NSUN3: variants seen among roughly 807,000 people sequenced by gnomAD.
The protein encoded by NSUN3 is tRNA (cytosine(34)-C(5))-methyltransferase, mitochondrial.
In NSUN3, 24 loss-of-function variants were observed where a neutral mutation model predicts 36.8. The observed-to-expected ratio is 0.65, with a 90% CI of 0.47 to 0.92. NSUN3 has a LOEUF of 0.92. Among genes scored for constraint, NSUN3 ranks in the 40% least tolerant of loss-of-function variants. The pLI is 0.00. For missense variants in NSUN3, 381 were observed against 392.8 expected (o/e 0.97, Z 0.25); for synonymous variants, 146 against 145.2 (o/e 1.01, Z -0.04).
rs2077194170 is a variant in NSUN3 at position 94,064,314 on chromosome 3, A to G, written c.13-123A>G. On this transcript the variant is annotated intron_variant, in intron 1 of 5. Coordinates refer to ENST00000314622, the MANE Select transcript of NSUN3 (RefSeq NM_022072.5). Reference sequence around the variant, plus strand: ...TTGGTACATGTAAGGTATTGCTTCCATTTCAAGAACTAGTAATTATCCAAA... The same window carrying G: ...TTGGTACATGTAAGGTATTGCTTCCGTTTCAAGAACTAGTAATTATCCAAA... 4 of 639,524 alleles carry G rather than the reference A, an allele frequency of 6.3e-6. No homozygotes were observed. In the Admixed American group the frequency reaches 1.0e-4, roughly 17 times the overall value. 39.6% of individuals were successfully genotyped at this position (639,524 alleles called of 1,614,324 possible).
intron 2 of NSUN3, chr3:94,075,893 G>C: frequency 9.1e-6 from 12 of 1,315,688 alleles, no homozygotes; most frequent in Non-Finnish European, 1.2e-5. Context: ...AAAATCACAA[G>C]AAGTAAAGAC....
intron 5 of NSUN3, among the ~76,000 whole-genome samples, 170 bp from the exon 6 acceptor site, chr3:94,126,041 C>CA (rs1440561434): frequency 6.9e-6 from 1 of 145,274 alleles, no homozygotes; most frequent in Non-Finnish European, 1.5e-5. Flanking sequence ...GCCTGGGTGA[C>CA]AAAGTTAGAC....
At position 94,064,429 on chromosome 3, in the gene NSUN3, C is replaced by T. The variant is rs1576077929; in HGVS notation, c.13-8C>T. On this transcript the variant is annotated splice_region_variant and splice_polypyrimidine_tract_variant and intron_variant, in intron 1 of 5. Coordinates refer to ENST00000314622, the MANE Select transcript of NSUN3 (RefSeq NM_022072.5). The stretch of plus-strand genomic sequence containing the variant: ...CTGTGTGTCAGCAACTTTTTCTTAT[C>T]GTCATAGCTGAAAGCAAAATCAGAG... The T allele has an allele frequency of 3.8e-6, 6 of 1,580,238 alleles. No homozygotes were observed. The highest frequency in any genetic ancestry group is 5.2e-6 in the Non-Finnish European group (6 of 1,149,632).
At chr3:94,106,621 T>C (rs2077390408) in intron 5 of NSUN3, among the ~76,000 whole-genome samples, 1 of 152,216 alleles carries the variant, frequency 6.6e-6, no homozygotes, top group African/African-American at 2.4e-5. Context: ...GCTTCAACTT[T>C]TCACCTTAAT....
At chr3:94,068,003 G>T (rs753039772) in intron 2 of NSUN3, among the ~76,000 whole-genome samples, 7 of 151,954 alleles carry the variant, frequency 4.6e-5, no homozygotes, top group Non-Finnish European at 1.0e-4. Flanking sequence ...TTTGGGACTG[G>T]CTATGCTGTT....
At chr3:94,076,778 T>C in intron 2 of NSUN3, 1 of 1,544,984 alleles carries the variant, frequency 6.5e-7, no homozygotes. Flanking sequence ...CTGGGGCATA[T>C]AACGGGCCCT....
At position 94,126,514 on chromosome 3, in the gene NSUN3, T is replaced by C. The variant is rs755930277; in HGVS notation, c.*24T>C. On this transcript the variant is annotated 3_prime_UTR_variant, in exon 6 of 6. Transcript: ENST00000314622. ...GACATGAATTTGTAAACTGTGTTTA[T>C]GTGTTATTATATTTATATTTCTGAA... 4 of 1,584,266 alleles carry C rather than the reference T, an allele frequency of 2.5e-6. No homozygotes were observed. Among genetic ancestry groups the C allele is most frequent in the Non-Finnish European group, 3.4e-6 (4 of 1,160,250 alleles).
chr3:94,112,843 C>T lies in NSUN3; in HGVS notation c.744-13368C>T, dbSNP rs767360201. On this transcript the variant is annotated intron_variant, in intron 5 of 5. Transcript: ENST00000314622. The stretch of plus-strand genomic sequence containing the variant: ...TTGGAAATTCCTTGATCAGGTAATG[C>T]TGGAAGATGTGAAGAGAATAACAAA... Among the ~76,000 whole-genome samples, 5 of 152,238 alleles carry T rather than the reference C, an allele frequency of 3.3e-5. No homozygotes were observed. In the East Asian group the frequency reaches 5.8e-4, roughly 18 times the overall value.
At chr3:94,088,989 T>C (rs2077304372) in intron 3 of NSUN3, among the ~76,000 whole-genome samples, 1 of 152,184 alleles carries the variant, frequency 6.6e-6, no homozygotes, top group African/African-American at 2.4e-5. Flanking sequence ...TTTATCTTTG[T>C]GTCTGCAGCA....
intron 5 of NSUN3, among the ~76,000 whole-genome samples, chr3:94,110,475 A>G (rs887800762): frequency 2.0e-5 from 3 of 152,008 alleles, no homozygotes; most frequent in African/African-American, 4.8e-5. Flanking sequence ...ACACACAGAG[A>G]GCATTCCTGA....
Position 94,126,219 on chromosome 3 carries a change from T to G in NSUN3, c.752T>G (p.Ile251Ser). Reference protein sequence around the residue: ...LLQIELLRSAIKALRPGGILV... With the variant: ...LLQIELLRSASKALRPGGILV... The stretch of plus-strand genomic sequence containing the variant: ...TTTCTGATTGCACACAGGTCTGCAA[T>G]TAAGGCCTTACGTCCTGGAGGGATA... The change falls in exon 6 of 6, where the codon ATT becomes AGT. Residue 251 changes from isoleucine (I) to serine (S), a missense_variant. Coordinates refer to ENST00000314622, the MANE Select transcript of NSUN3 (RefSeq NM_022072.5). The G allele has an allele frequency of 1.2e-6, 2 of 1,611,228 alleles. No individual in the cohort carries two copies. The highest frequency in any genetic ancestry group is 1.7e-6 in the Non-Finnish European group (2 of 1,177,894).
intron 5 of NSUN3, among the ~76,000 whole-genome samples, chr3:94,096,008 C>G (rs754288624): frequency 6.6e-6 from 1 of 151,224 alleles, no homozygotes; most frequent in Non-Finnish European, 1.5e-5. Context: ...ATCTGCCCAC[C>G]TTGGCCTCAC....
At chr3:94,072,387 T>G (rs1254987350) in intron 2 of NSUN3, among the ~76,000 whole-genome samples, 1 of 152,012 alleles carries the variant, frequency 6.6e-6, no homozygotes, top group Non-Finnish European at 1.5e-5. Flanking sequence ...AAAATAGGAG[T>G]AAGAGCTGCC....
chr3:94,090,522 A>G (rs1430142829), intron 3 of NSUN3, among the ~76,000 whole-genome samples: 6 of 152,182 alleles, frequency 3.9e-5, no homozygotes, highest in African/African-American at 1.4e-4. Context: ...TCTACATTTA[A>G]TATGCACATA....
At chr3:94,084,709 G>C (rs1188073384) in intron 3 of NSUN3, 1 of 372,130 alleles carries the variant, frequency 2.7e-6, no homozygotes, top group Admixed American at 4.3e-5. Flanking sequence ...CAGATAATAT[G>C]AATGCTGATA....
At chr3:94,124,803 C>T (rs2077478741) in intron 5 of NSUN3, among the ~76,000 whole-genome samples, 1 of 152,112 alleles carries the variant, frequency 6.6e-6, no homozygotes, top group South Asian at 2.1e-4. Context: ...ATGTAAGCTT[C>T]ATGAGGTGAA....
rs573040907 is a variant in NSUN3 at position 94,115,311 on chromosome 3, T to C, written c.744-10900T>C. On this transcript the variant is annotated intron_variant, in intron 5 of 5. Coordinates refer to ENST00000314622, the MANE Select transcript of NSUN3 (RefSeq NM_022072.5). ...TACAGTCTTACTTGGTTTTAAAAAATGTATAATGCTAGAGTTTCTGAGAAG... is the reference window on the plus strand; with the variant it reads ...TACAGTCTTACTTGGTTTTAAAAAACGTATAATGCTAGAGTTTCTGAGAAG... Among the ~76,000 whole-genome samples, 48 of 152,310 alleles carry C rather than the reference T, an allele frequency of 3.2e-4. 1 individual carries two copies. In the East Asian group the frequency reaches 9.3e-3, roughly 29 times the overall value.
intron 5 of NSUN3, among the ~76,000 whole-genome samples, chr3:94,105,643 C>A (rs1053231559): frequency 1.3e-5 from 2 of 152,030 alleles, no homozygotes; most frequent in African/African-American, 2.4e-5. Flanking sequence ...GAACCGGAGA[C>A]CCCCTTAGTC....
At chr3:94,081,038 G>T (rs921792376) in intron 2 of NSUN3, among the ~76,000 whole-genome samples, 1 of 152,210 alleles carries the variant, frequency 6.6e-6, no homozygotes, top group Admixed American at 6.5e-5. Context: ...GCCCTGGTGG[G>T]GTAGGCACCG....
Sources: gnomAD v4.1 joint callset for allele counts (sites outside exome capture counted in the v4.1 genomes callset) on GRCh38, gnomAD v4.1.1 for gene constraint, MANE v1.5 for transcripts, NCBI Gene and HGNC (gene_info 2026-07-23, HGNC 2026-07-21) for gene names.